The following CCDC171 variants were observed in gnomAD, a reference collection of about 807,000 sequenced individuals.
CCDC171 encodes coiled-coil domain-containing protein 171.
A neutral mutation model predicts 168.2 loss-of-function variants in CCDC171; 177 were observed. The ratio of observed to expected loss-of-function variants is 1.05; its 90% CI spans 0.93 to 1.19. The LOEUF (loss-of-function observed/expected upper bound fraction) is 1.19, where lower values mean the gene tolerates loss of function less well. CCDC171 is among the 50% of genes most tolerant of loss of function. The probability of loss-of-function intolerance (pLI) is 0.00; values close to 1 mark genes in which losing one functional copy is unlikely to be tolerated. For synonymous variants in CCDC171, 687 were observed against 540.8 expected (o/e 1.27, Z -3.75); for missense variants, 1,991 against 1,539.0 (o/e 1.29, Z -4.91).
At chr9:15,987,884 A>C (rs531580793) in intron 3 of CCDC171, among the ~76,000 whole-genome samples, 7 of 152,232 alleles carry the variant, frequency 4.6e-5, no homozygotes, top group Admixed American at 1.3e-4. Flanking sequence ...AAGGAATTGT[A>C]TACAAAATTC....
Position 15,848,967 on chromosome 9 carries a change from A to G in CCDC171, c.3468+20A>G. ...CACAAGGTACTGTTATTTTTCTTTA[A>G]TATTGTTCAATTTGTGTCATGACAC... On this transcript the variant is annotated intron_variant, in intron 23 of 25. Coordinates refer to ENST00000380701, the MANE Select transcript of CCDC171 (RefSeq NM_173550.4). The G allele has an allele frequency of 1.4e-6, 2 of 1,383,568 alleles. No homozygotes were observed. The highest frequency in any genetic ancestry group is 1.5e-5 in the African/African-American group (1 of 68,444). The allele number at this position is 1,383,568 out of a possible 1,614,324, so 85.7% of individuals were successfully genotyped here. A position where few individuals can be genotyped will look rare whatever the true frequency, so the allele number is the denominator to read the frequency against.
At chr9:15,995,752 G>C (rs938483901) in intron 3 of CCDC171, among the ~76,000 whole-genome samples, 34 of 152,190 alleles carry the variant, frequency 2.2e-4, no homozygotes, top group African/African-American at 8.0e-4. Context: ...TTAACACTGT[G>C]TGTTTTCTTA....
Position 15,971,976 on chromosome 9 carries a change from C to CTGG in CCDC171, c.*142_*144dup. 3.1e-6 allele frequency: 2 copies of CTGG among 637,862 alleles called. No individual in the cohort carries two copies. Among genetic ancestry groups the CTGG allele is most frequent in the Non-Finnish European group, 5.3e-6 (2 of 373,960 alleles). The allele number at this position is 637,862 out of a possible 1,614,324, so 39.5% of individuals were successfully genotyped here. A position where few individuals can be genotyped will look rare whatever the true frequency, so the allele number is the denominator to read the frequency against. ...AATTTGTGCGCTATCTTGATGTATT[C>CTGG]TGGTAGCTCTGTCTCCTTGAATAAG... On this transcript the variant is annotated 3_prime_UTR_variant, in exon 26 of 26. Coordinates refer to ENST00000380701, the MANE Select transcript of CCDC171 (RefSeq NM_173550.4).
chr9:15,714,788 T>C lies in CCDC171; in HGVS notation c.1319-6981T>C, dbSNP rs142455513. 2.6e-5 allele frequency among the ~76,000 whole-genome samples: 4 copies of C among 152,358 alleles called. No homozygotes were observed. In the East Asian group the frequency reaches 7.7e-4, roughly 29 times the overall value. On this transcript the variant is annotated intron_variant, in intron 11 of 25. Coordinates refer to ENST00000380701, the MANE Select transcript of CCDC171 (RefSeq NM_173550.4). Reference sequence around the variant, plus strand: ...GACTAATTCTTCCTTTTTTGTTTACTTAAGTCCTGCTTGTGGTAATCAGAG... The same window carrying C: ...GACTAATTCTTCCTTTTTTGTTTACCTAAGTCCTGCTTGTGGTAATCAGAG...
intron 6 of CCDC171, among the ~76,000 whole-genome samples, chr9:15,615,620 T>G (rs1290703652): frequency 1.3e-5 from 2 of 152,148 alleles, no homozygotes; most frequent in African/African-American, 4.8e-5. Flanking sequence ...AAGCTCTAAC[T>G]GATTGGCCTT....
chr9:15,838,290 C>G (rs1232481138), intron 21 of CCDC171, among the ~76,000 whole-genome samples: 1 of 152,116 alleles, frequency 6.6e-6, no homozygotes, highest in Non-Finnish European at 1.5e-5. Flanking sequence ...ATCATTGTAT[C>G]TTTTACTCAC....
downstream of CCDC171, among the ~76,000 whole-genome samples, chr9:15,975,003 A>G (rs1831576552): frequency 6.6e-6 from 1 of 152,118 alleles, no homozygotes; most frequent in Non-Finnish European, 1.5e-5. Context: ...TCCTGGGCTC[A>G]AGTGATCCTC....
intron 9 of CCDC171, among the ~76,000 whole-genome samples, chr9:15,671,148 A>G (rs1256746954): frequency 1.3e-5 from 2 of 152,130 alleles, no homozygotes; most frequent in African/African-American, 4.8e-5. Context: ...ATAGTTAATA[A>G]TTGCCTCATT....
At chr9:15,934,389 C>CAA (rs71304892) in intron 25 of CCDC171, among the ~76,000 whole-genome samples, 1,201 of 114,038 alleles carry the variant, frequency 0.011, 22 homozygotes, top group African/African-American at 0.032. Flanking sequence ...GACCCTGTCT[C>CAA]AAAAAAAAAA....
chr9:15,866,588 C>A (rs1439407147), intron 23 of CCDC171, among the ~76,000 whole-genome samples: 2 of 151,942 alleles, frequency 1.3e-5, no homozygotes, highest in African/African-American at 4.8e-5. Flanking sequence ...TTTGGAAATA[C>A]TGAATGTAAG....
At chr9:16,048,108 G>A (rs144243936) in intron 1 of CCDC171, among the ~76,000 whole-genome samples, 41 of 152,352 alleles carry the variant, frequency 2.7e-4, no homozygotes, top group African/African-American at 8.7e-4. Flanking sequence ...AGCACCAAGT[G>A]ACTTGTCAAG....
chr9:15,920,214 C>T lies in CCDC171; in HGVS notation c.3601-56C>T, dbSNP rs957872504. ...GTTTTGCTTTCAAATTATGGAAATT[C>T]TCCTTTGGGGACATATTTATTTGAA... is the stretch of plus-strand genomic sequence containing the variant. On this transcript the variant is annotated intron_variant, in intron 24 of 25. Transcript: ENST00000380701. The T allele has an allele frequency of 1.1e-5, 12 of 1,094,980 alleles. No individual in the cohort carries two copies. In the African/African-American group the frequency reaches 1.8e-4, roughly 16 times the overall value. 67.8% of individuals were successfully genotyped at this position (1,094,980 alleles called of 1,614,324 possible).
At chr9:15,882,138 G>A (rs1175834562) in intron 24 of CCDC171, among the ~76,000 whole-genome samples, 4 of 152,054 alleles carry the variant, frequency 2.6e-5, no homozygotes, top group African/African-American at 4.8e-5. Flanking sequence ...AATTTTAACC[G>A]GGGTGAGATG....
chr9:15,671,571 A>G (rs376398325), intron 9 of CCDC171, among the ~76,000 whole-genome samples: 3 of 130,982 alleles, frequency 2.3e-5, no homozygotes, highest in African/African-American at 8.9e-5. Context: ...ATGTGTTGTC[A>G]TTGTTCAATT....
chr9:15,760,843 G>A (rs1028565567), intron 18 of CCDC171, among the ~76,000 whole-genome samples: 4 of 152,074 alleles, frequency 2.6e-5, no homozygotes, highest in African/African-American at 4.8e-5. Flanking sequence ...TACTGGACAG[G>A]TGGCAACCTT....
chr9:15,960,841 T>C (rs1589255057), intron 25 of CCDC171, among the ~76,000 whole-genome samples: 1 of 152,256 alleles, frequency 6.6e-6, no homozygotes, highest in East Asian at 1.9e-4. Flanking sequence ...GGCCCAGCTA[T>C]GGAACTGTTC....
At chr9:15,908,580 C>T (rs552653845) in intron 24 of CCDC171, among the ~76,000 whole-genome samples, 1 of 152,262 alleles carries the variant, frequency 6.6e-6, no homozygotes, top group South Asian at 2.1e-4. Context: ...GGGTGCAGCA[C>T]ACCTACATGG....
the CCDC171 span, among the ~76,000 whole-genome samples, chr9:16,089,630 A>G: frequency 6.6e-6 from 1 of 152,100 alleles, no homozygotes; most frequent in Non-Finnish European, 1.5e-5. Context: ...TTTATTAAAT[A>G]GGGAATATTT....
Position 15,591,562 on chromosome 9 carries a change from A to G in CCDC171, c.543+6A>G, listed in dbSNP as rs1442131408. On this transcript the variant is annotated splice_donor_region_variant and intron_variant, in intron 5 of 25. Transcript: ENST00000380701. ...GACTAGAGAAAACTCTACAGGTAAA[A>G]TAGTTTTTATAAAGGAATTTTCCGA... 6.9e-7 allele frequency: 1 copy of G among 1,452,318 alleles called. No homozygotes were observed. The highest frequency in any genetic ancestry group is 9.4e-7 in the Non-Finnish European group (1 of 1,064,768). 90.0% of individuals were successfully genotyped at this position (1,452,318 alleles called of 1,614,324 possible).
Sources: gnomAD v4.1 joint callset for allele counts (sites outside exome capture counted in the v4.1 genomes callset) on GRCh38, gnomAD v4.1.1 for gene constraint, MANE v1.5 for transcripts, NCBI Gene and HGNC (gene_info 2026-07-23, HGNC 2026-07-21) for gene names.